DENND2C: variants seen among roughly 807,000 people sequenced by gnomAD.
DENND2C encodes DENN domain containing 2C.
In DENND2C, 72 loss-of-function variants were observed where a neutral mutation model predicts 112.4. That is an observed-to-expected ratio of 0.64 (90% CI 0.53 to 0.78). The LOEUF (loss-of-function observed/expected upper bound fraction) is 0.78, where lower values mean the gene tolerates loss of function less well. DENND2C is among the 30% of genes least tolerant of loss of function. The probability of loss-of-function intolerance (pLI) is 0.00; values close to 1 mark genes in which losing one functional copy is unlikely to be tolerated. For synonymous variants in DENND2C, 329 were observed against 381.6 expected (o/e 0.86, Z 1.61); for missense variants, 992 against 1,113.8 (o/e 0.89, Z 1.56).
intron 1 of DENND2C, among the ~76,000 whole-genome samples, chr1:114,659,475 C>G (rs1343862080): frequency 6.6e-6 from 1 of 152,144 alleles, no homozygotes; most frequent in Admixed American, 6.5e-5. Flanking sequence ...GCACTCCAGC[C>G]TGAGCTACAG....
chr1:114,667,240 C>G (rs1426293214), intron 1 of DENND2C, among the ~76,000 whole-genome samples: 1 of 152,168 alleles, frequency 6.6e-6, no homozygotes, highest in Non-Finnish European at 1.5e-5. Flanking sequence ...TGGTTAAATT[C>G]TATCTATACT....
At chr1:114,648,272 G>T (rs1328728941) in intron 2 of DENND2C, among the ~76,000 whole-genome samples, 1 of 152,134 alleles carries the variant, frequency 6.6e-6, no homozygotes, top group East Asian at 1.9e-4. Flanking sequence ...CTAAACCACT[G>T]TATATTATAC....
chr1:114,633,128 CT>C (rs1183346883), intron 3 of DENND2C, among the ~76,000 whole-genome samples: 2 of 152,080 alleles, frequency 1.3e-5, no homozygotes, highest in African/African-American at 4.8e-5. Flanking sequence ...TTGTAAGTTT[CT>C]CTAACCCACA....
chr1:114,608,313 G>A (rs375350772), intron 10 of DENND2C, among the ~76,000 whole-genome samples: 4 of 151,686 alleles, frequency 2.6e-5, no homozygotes, highest in Non-Finnish European at 5.9e-5. Flanking sequence ...TTAAAGTCAC[G>A]GAACTAGTAA....
chr1:114,594,452 C>T (rs779836728), intron 18 of DENND2C, 21 bp downstream of exon 18: 3 of 1,593,054 alleles, frequency 1.9e-6, no homozygotes, highest in South Asian at 1.1e-5. Flanking sequence ...ACCTTAAGTC[C>T]TTGGCTCACT....
chr1:114,645,265 A>G (rs1229894467), intron 3 of DENND2C, among the ~76,000 whole-genome samples, 183 bp downstream of exon 3: 3 of 152,186 alleles, frequency 2.0e-5, no homozygotes. Context: ...TTTGGAGATC[A>G]GGTCTCTTGA....
At position 114,608,813 on chromosome 1, in the gene DENND2C, G is replaced by T; in HGVS notation, c.1430C>A (p.Thr477Asn). 1.9e-6 allele frequency: 3 copies of T among 1,614,178 alleles called. No homozygotes were observed. Among genetic ancestry groups the T allele is most frequent in the Non-Finnish European group, 2.5e-6 (3 of 1,180,028 alleles). ...PSSKRNPHYQ[T>N]LERDLIELQE... ...TAATTCAATAAGATCCCGCTCCAAG[G>T]TCTGGTAGTGAGGATTCCTCTTGGA... is the stretch of plus-strand genomic sequence containing the variant. Residue 477 changes from threonine to asparagine, a missense_variant, in exon 10 of 21, where the codon ACC becomes AAC. Coordinates refer to ENST00000393274, the MANE Select transcript of DENND2C (RefSeq NM_001256404.2).
rs1226675743 is a variant in DENND2C at position 114,583,245 on chromosome 1, T to C, written c.*2355A>G. The C allele has an allele frequency of 1.3e-5, 2 of 152,196 alleles. No homozygotes were observed. Among genetic ancestry groups the C allele is most frequent in the African/African-American group, 4.8e-5 (2 of 41,450 alleles). 9.4% of individuals were successfully genotyped at this position (152,196 alleles called of 1,614,324 possible). On this transcript the variant is annotated 3_prime_UTR_variant, in exon 21 of 21. Transcript: ENST00000393274. Reference sequence around the variant, plus strand: ...ACCCACATCTGTAGGAATTATATTATACAGCACCAGTCTTAAATGGTGTTC... The same window carrying C: ...ACCCACATCTGTAGGAATTATATTACACAGCACCAGTCTTAAATGGTGTTC...
chr1:114,606,023 A>G (rs1655648778), intron 10 of DENND2C, among the ~76,000 whole-genome samples: 1 of 152,160 alleles, frequency 6.6e-6, no homozygotes, highest in Non-Finnish European at 1.5e-5. Context: ...CAAGCCCTTA[A>G]GTCTAATTAC....
rs188859684 is a variant in DENND2C, at chr1:114,594,422, A to G, written c.2431+51T>C. 2.7e-5 allele frequency: 40 copies of G among 1,457,498 alleles called. 1 individual carries two copies. The East Asian group carries it at 8.9e-4, about 32-fold the overall frequency. 90.3% of individuals were successfully genotyped at this position (1,457,498 alleles called of 1,614,324 possible). A position where few individuals can be genotyped will look rare whatever the true frequency, so the allele number is the denominator to read the frequency against. Reference sequence around the variant, plus strand: ...ACATAGTGCTGGGCATTCAGTAAATATTTACTACCTTAACCCTTAACCTTA... The same window carrying G: ...ACATAGTGCTGGGCATTCAGTAAATGTTTACTACCTTAACCCTTAACCTTA... On this transcript the variant is annotated intron_variant, in intron 18 of 20. Coordinates refer to ENST00000393274, the MANE Select transcript of DENND2C (RefSeq NM_001256404.2).
chr1:114,612,741 A>C (rs1422813970), intron 8 of DENND2C, among the ~76,000 whole-genome samples: 1 of 152,062 alleles, frequency 6.6e-6, no homozygotes, highest in Non-Finnish European at 1.5e-5. Context: ...GCTGGTCTTG[A>C]ATTCCTGACC....
chr1:114,594,601 G>T, intron 17 of DENND2C, 23 bp from the exon 18 acceptor site: 1 of 1,585,954 alleles, frequency 6.3e-7, no homozygotes, highest in South Asian at 1.1e-5. Flanking sequence ...AAAAAATGGA[G>T]ATTTTTCTTT....
intron 1 of DENND2C, among the ~76,000 whole-genome samples, chr1:114,668,611 CA>C (rs1557965279): frequency 6.6e-6 from 1 of 151,748 alleles, no homozygotes; most frequent in African/African-American, 2.4e-5. Context: ...TTCTGCCTGG[CA>C]AACTCAGAAC....
intron 1 of DENND2C, among the ~76,000 whole-genome samples, chr1:114,655,985 A>G (rs1657307930): frequency 6.8e-6 from 1 of 147,376 alleles, no homozygotes; most frequent in African/African-American, 2.5e-5. Flanking sequence ...TAATGCCAGT[A>G]TTTATTTATC....
intron 11 of DENND2C, among the ~76,000 whole-genome samples, chr1:114,603,217 T>C (rs1486682545): frequency 1.3e-5 from 2 of 151,952 alleles, no homozygotes; most frequent in African/African-American, 4.8e-5. Flanking sequence ...CTCTGCTCAC[T>C]GCAACCTCCG....
chr1:114,636,088 G>A (rs1656649725), intron 3 of DENND2C, among the ~76,000 whole-genome samples: 1 of 150,800 alleles, frequency 6.6e-6, no homozygotes, highest in East Asian at 1.9e-4. Context: ...TATACAGAAA[G>A]GATACCAGAA....
At chr1:114,588,407 T>G (rs78548879) in intron 18 of DENND2C, 18 of 157,876 alleles carry the variant, frequency 1.1e-4, no homozygotes, top group Non-Finnish European at 2.1e-4. Flanking sequence ...TCTCTTGTCC[T>G]TTCTTTCTCT....
intron 2 of DENND2C, among the ~76,000 whole-genome samples, chr1:114,646,535 T>C (rs913319279): frequency 8.5e-5 from 13 of 152,340 alleles, no homozygotes; most frequent in African/African-American, 2.6e-4. Flanking sequence ...ACATATGAAC[T>C]GCTCTATGTT....
chr1:114,588,783 A>G (rs1655111365), intron 18 of DENND2C, among the ~76,000 whole-genome samples: 1 of 152,136 alleles, frequency 6.6e-6, no homozygotes, highest in African/African-American at 2.4e-5. Context: ...AATACAGACA[A>G]GGTCTTGCTA....
Sources: gnomAD v4.1 joint callset for allele counts (sites outside exome capture counted in the v4.1 genomes callset) on GRCh38, gnomAD v4.1.1 for gene constraint, MANE v1.5 for transcripts, NCBI Gene and HGNC (gene_info 2026-07-23, HGNC 2026-07-21) for gene names.